The following SLC9C1 variants were observed in gnomAD, a reference collection of about 807,000 sequenced individuals.
The protein encoded by SLC9C1 is sodium/hydrogen exchanger 10.
A neutral mutation model predicts 140.9 loss-of-function variants in SLC9C1; 97 were observed. The observed-to-expected ratio is 0.69, with a 90% CI of 0.58 to 0.82. The LOEUF (loss-of-function observed/expected upper bound fraction) is 0.82, where lower values mean the gene tolerates loss of function less well. Among genes scored for constraint, SLC9C1 ranks in the 40% least tolerant of loss-of-function variants. The probability of loss-of-function intolerance (pLI) is 0.00; values close to 1 mark genes in which losing one functional copy is unlikely to be tolerated. For missense variants in SLC9C1, 1,340 were observed against 1,389.3 expected, an observed-to-expected ratio of 0.96 and a Z score of 0.56; for synonymous variants, 440 against 442.6, an observed-to-expected ratio of 0.99 and a Z score of 0.07.
chr3:112,170,211 A>G (rs1269040953), intron 23 of SLC9C1, among the ~76,000 whole-genome samples: 1 of 152,224 alleles, frequency 6.6e-6, no homozygotes, highest in Non-Finnish European at 1.5e-5. Context: ...CAGGCAACCT[A>G]TTCACTGGGA....
chr3:112,236,385 G>T (rs1417578086), intron 12 of SLC9C1, among the ~76,000 whole-genome samples: 1 of 151,904 alleles, frequency 6.6e-6, no homozygotes, highest in Non-Finnish European at 1.5e-5. Flanking sequence ...TCTTGCTGGT[G>T]GTCTATCAAT....
rs748849497 is a variant in SLC9C1, at chr3:112,257,097, G to T, written c.1197+5827C>A. On this transcript the variant is annotated intron_variant, in intron 10 of 28. Coordinates refer to ENST00000305815, the MANE Select transcript of SLC9C1 (RefSeq NM_183061.3). ...AATAATCCATGTTCATGGATAGGAA[G>T]AATCAATATCATTAAAATGGACATA... Among the ~76,000 whole-genome samples the T allele has an allele frequency of 1.9e-4, 29 of 152,204 alleles. 1 individual carries two copies. The highest frequency in any genetic ancestry group is 3.5e-4 in the Non-Finnish European group (24 of 68,016).
At chr3:112,261,243 G>A (rs926999179) in intron 10 of SLC9C1, among the ~76,000 whole-genome samples, 1 of 152,046 alleles carries the variant, frequency 6.6e-6, no homozygotes, top group African/African-American at 2.4e-5. Context: ...TCATAGTAAA[G>A]ACTAGAATTC....
intron 9 of SLC9C1, among the ~76,000 whole-genome samples, chr3:112,263,666 T>A (rs184215495): frequency 6.6e-6 from 1 of 151,912 alleles, no homozygotes; most frequent in African/African-American, 2.4e-5. Context: ...ATTTGAGTAA[T>A]GGAGATTAAA....
At chr3:112,270,572 T>A (rs777891650) in intron 6 of SLC9C1, among the ~76,000 whole-genome samples, 16 of 152,222 alleles carry the variant, frequency 1.1e-4, no homozygotes, top group Non-Finnish European at 1.9e-4. Flanking sequence ...TTACAATCCC[T>A]CGGGAGGCCG....
intron 5 of SLC9C1, among the ~76,000 whole-genome samples, chr3:112,276,404 A>G (rs904790366): frequency 4.0e-5 from 6 of 151,736 alleles, no homozygotes; most frequent in Non-Finnish European, 8.8e-5. Flanking sequence ...ATATGCATAT[A>G]CACACGTACA....
At chr3:112,159,174 A>G (rs915672882) in intron 26 of SLC9C1, among the ~76,000 whole-genome samples, 5 of 151,654 alleles carry the variant, frequency 3.3e-5, no homozygotes, top group African/African-American at 9.7e-5. Flanking sequence ...GCTATATCTC[A>G]TAGGCTCTGG....
intron 15 of SLC9C1, among the ~76,000 whole-genome samples, chr3:112,210,248 G>A (rs1163294179): frequency 6.6e-6 from 1 of 152,044 alleles, no homozygotes; most frequent in Non-Finnish European, 1.5e-5. Context: ...ATAGCCAAAA[G>A]GCAGAAACAA....
chr3:112,142,244 G>T (rs576178933), intron 28 of SLC9C1, among the ~76,000 whole-genome samples: 2 of 152,110 alleles, frequency 1.3e-5, no homozygotes, highest in South Asian at 4.2e-4. Context: ...TGTTACCAAT[G>T]AATAAAAAAG....
chr3:112,250,010 C>A (rs1386561005), intron 10 of SLC9C1, among the ~76,000 whole-genome samples: 1 of 151,662 alleles, frequency 6.6e-6, no homozygotes, highest in Non-Finnish European at 1.5e-5. Flanking sequence ...TGTGCTGCAC[C>A]CATTAACTCG....
rs188688883 is a variant in SLC9C1, at chr3:112,210,879, T to A, written c.1791-2506A>T. On this transcript the variant is annotated intron_variant, in intron 15 of 28. Coordinates refer to ENST00000305815, the MANE Select transcript of SLC9C1 (RefSeq NM_183061.3). ...CAGGAAAAAAACCCTTTATTTTTTT[T>A]AAAAATAAAAAATTAAAAGGATGCA... Among the ~76,000 whole-genome samples the A allele has an allele frequency of 8.1e-4, 124 of 152,214 alleles. 1 individual carries two copies. The East Asian group carries it at 0.016, about 19-fold the overall frequency.
chr3:112,185,249 CTG>C lies in SLC9C1; in HGVS notation c.2524-2993_2524-2992del, dbSNP rs900245582. ...GGCCTTAAGTCCAGTAGGCCAAACT[CTG>C]GGGGATAAAACATAATCATATCACA... On this transcript the variant is annotated intron_variant, in intron 20 of 28. Transcript: ENST00000305815. Among the ~76,000 whole-genome samples, 4 of 151,172 alleles carry C rather than the reference CTG, an allele frequency of 2.6e-5. No individual in the cohort carries two copies. In the South Asian group the frequency reaches 6.3e-4, roughly 24 times the overall value.
intron 13 of SLC9C1, among the ~76,000 whole-genome samples, chr3:112,231,137 T>TC (rs1553801254): frequency 6.1e-5 from 9 of 148,002 alleles, no homozygotes; most frequent in Non-Finnish European, 7.5e-5. Context: ...TCTCTCTCTC[T>TC]TTTTCTCCCT....
At chr3:112,239,484 C>T (rs2079082757) in intron 12 of SLC9C1, among the ~76,000 whole-genome samples, 1 of 152,218 alleles carries the variant, frequency 6.6e-6, no homozygotes, top group Admixed American at 6.5e-5. Flanking sequence ...TCTGACAAGC[C>T]CCAGTGAGAT....
At chr3:112,158,719 G>T (rs2075198146) in intron 26 of SLC9C1, among the ~76,000 whole-genome samples, 1 of 151,562 alleles carries the variant, frequency 6.6e-6, no homozygotes, top group Non-Finnish European at 1.5e-5. Flanking sequence ...CTGTACAGGT[G>T]TTCTATTTCT....
chr3:112,155,711 C>A (rs1227874306), intron 26 of SLC9C1, among the ~76,000 whole-genome samples: 1 of 152,002 alleles, frequency 6.6e-6, no homozygotes, highest in African/African-American at 2.4e-5. Flanking sequence ...TCAGGTGAAC[C>A]ATTTGTAGTT....
intron 13 of SLC9C1, among the ~76,000 whole-genome samples, chr3:112,221,913 C>A (rs1028273896): frequency 2.3e-4 from 35 of 152,150 alleles, no homozygotes; most frequent in South Asian, 4.1e-4. Flanking sequence ...ACTTCCTTAA[C>A]TGAAATATAT....
chr3:112,155,066 A>C lies in SLC9C1; in HGVS notation c.3365-17T>G. Reference sequence around the variant, plus strand: ...CAACTGAACCTGATTAAAAAAAAAAAAAACAGTGTTAATTCAACCACTGAA... The same window carrying C: ...CAACTGAACCTGATTAAAAAAAAAACAAACAGTGTTAATTCAACCACTGAA... On this transcript the variant is annotated splice_polypyrimidine_tract_variant and intron_variant, in intron 26 of 28. Coordinates refer to ENST00000305815, the MANE Select transcript of SLC9C1 (RefSeq NM_183061.3). 4 of 1,597,212 alleles carry C rather than the reference A, an allele frequency of 2.5e-6. No homozygotes were observed. Among genetic ancestry groups the C allele is most frequent in the Non-Finnish European group, 3.4e-6 (4 of 1,175,020 alleles).
At position 112,208,266 on chromosome 3, in the gene SLC9C1, A is replaced by G. The variant is rs760004235; in HGVS notation, c.1898T>C (p.Ile633Thr). 2 of 1,611,384 alleles carry G rather than the reference A, an allele frequency of 1.2e-6. No individual in the cohort carries two copies. The highest frequency in any genetic ancestry group is 1.7e-6 in the Non-Finnish European group (2 of 1,178,330). ...GTGGTAGATTACATTTAACTGGGAT[A>G]TCCAAGAGATTATAAAGGGAAATAT... ...MNIFPFIISW[I>T]SQLNVIYHSE... The change falls in exon 16 of 29, where the codon ATA (isoleucine) becomes ACA (threonine). Residue 633 changes from isoleucine (I) to threonine (T), a missense_variant. By Grantham distance (89) the Ile-to-Thr change is moderately conservative. Coordinates refer to ENST00000305815, the MANE Select transcript of SLC9C1 (RefSeq NM_183061.3).
Sources: gnomAD v4.1 joint callset for allele counts (sites outside exome capture counted in the v4.1 genomes callset) on GRCh38, gnomAD v4.1.1 for gene constraint, MANE v1.5 for transcripts, NCBI Gene and HGNC (gene_info 2026-07-23, HGNC 2026-07-21) for gene names.